MYH3: variants seen among roughly 807,000 people sequenced by gnomAD.
MYH3 encodes the protein myosin heavy chain 3, also known as myosin-3.
Under a neutral mutation model 238.0 loss-of-function variants are expected in MYH3, and 130 were observed. That is an observed-to-expected ratio of 0.55 (90% CI 0.47 to 0.63). The LOEUF (loss-of-function observed/expected upper bound fraction) is 0.63. Ranked by LOEUF, MYH3 falls within the 30% of genes least tolerant of loss-of-function variation. The pLI is 0.00. For missense variants in MYH3, 1,853 were observed against 2,374.9 expected (o/e 0.78, Z 4.57); for synonymous variants, 880 against 924.1 (o/e 0.95, Z 0.86).
Position 10,648,611 on chromosome 17 carries a change from C to T in MYH3, c.681G>A (p.Leu227=). The change falls in exon 8 of 41, where the codon CTG becomes CTA. Residue 227 remains leucine, a synonymous_variant. Coordinates refer to ENST00000583535, the MANE Select transcript of MYH3 (RefSeq NM_002470.4). ...LEDQIISANP[L]LEAFGNAKTV... Reference sequence around the variant, plus strand: ...TCTTGGCGTTCCCAAAGGCCTCCAGCAGGGGATTGGCACTGATGATTTGAT... The same window carrying T: ...TCTTGGCGTTCCCAAAGGCCTCCAGTAGGGGATTGGCACTGATGATTTGAT... 6.2e-7 allele frequency: 1 copy of T among 1,614,104 alleles called. No individual in the cohort carries two copies. Among genetic ancestry groups the T allele is most frequent in the Non-Finnish European group, 8.5e-7 (1 of 1,179,980 alleles).
At chr17:10,674,666 C>T in the MYH3 span, 1 of 152,614 alleles carries the variant, frequency 6.6e-6, no homozygotes, top group African/African-American at 2.4e-5. Context: ...TGGTGTGTGA[C>T]ACGTCTGACA....
rs2074409739 is a variant in MYH3, at chr17:10,654,533, AGC to A, written c.204+326_204+327del. On this transcript the variant is annotated intron_variant, in intron 3 of 40. Coordinates refer to ENST00000583535, the MANE Select transcript of MYH3 (RefSeq NM_002470.4). The surrounding 1 kb of genome is among the most constrained non-coding windows in gnomAD (Gnocchi z 4.5). ...CTACCAAAGGAGAGTGTTCTGAAAC[AGC>A]GCTCATTCATGTTGAACTCCCAACT... Among the ~76,000 whole-genome samples, 1 of 152,260 alleles carries A rather than the reference AGC, an allele frequency of 6.6e-6. No individual in the cohort carries two copies. Among genetic ancestry groups the A allele is most frequent in the Non-Finnish European group, 1.5e-5 (1 of 68,046 alleles).
chr17:10,663,620 T>G, the MYH3 span, among the ~76,000 whole-genome samples: 2 of 151,806 alleles, frequency 1.3e-5, no homozygotes, highest in African/African-American at 2.4e-5. Context: ...AAGGGTCCTT[T>G]CCTCTGGGAG....
At chr17:10,677,769 G>C in the MYH3 span, 1 of 152,202 alleles carries the variant, frequency 6.6e-6, no homozygotes, top group Non-Finnish European at 1.5e-5. Flanking sequence ...GAAGAGTCTA[G>C]TGAAAACACT....
chr17:10,660,561 C>T (rs2142441917), upstream of MYH3, among the ~76,000 whole-genome samples: 1 of 152,068 alleles, frequency 6.6e-6, no homozygotes, highest in Admixed American at 6.5e-5. Context: ...CCTGTATTCC[C>T]AGCTACTTGG....
intron 10 of MYH3, among the ~76,000 whole-genome samples, chr17:10,646,805 T>C (rs1420952664): frequency 6.6e-6 from 1 of 152,118 alleles, no homozygotes; most frequent in East Asian, 1.9e-4. Context: ...CCCAGCACTG[T>C]GGGAGGCCGA....
chr17:10,645,255 C>A (rs2074309148), intron 12 of MYH3, among the ~76,000 whole-genome samples: 2 of 151,814 alleles, frequency 1.3e-5, no homozygotes, highest in South Asian at 2.1e-4. Context: ...CATGGTGAAA[C>A]CCCGTTTCTA....
chr17:10,643,117 C>CA, intron 14 of MYH3, 121 bp from the exon 15 acceptor site: 1 of 1,549,064 alleles, frequency 6.5e-7, no homozygotes, highest in East Asian at 2.3e-5. Context: ...CAAATACAAT[C>CA]ACAATCTTCA....
chr17:10,669,564 C>T, the MYH3 span, among the ~76,000 whole-genome samples: 2 of 130,660 alleles, frequency 1.5e-5, no homozygotes, highest in Non-Finnish European at 3.3e-5. Flanking sequence ...GAGAGTCCAT[C>T]TCAAAAAAAA....
the MYH3 span, among the ~76,000 whole-genome samples, chr17:10,668,459 A>G: frequency 1.3e-5 from 2 of 152,208 alleles, no homozygotes; most frequent in Non-Finnish European, 2.9e-5. Context: ...AAAGAGATCA[A>G]AGAGATAGAA....
chr17:10,661,884 G>A (rs374943634), upstream of MYH3, among the ~76,000 whole-genome samples: 55 of 152,240 alleles, frequency 3.6e-4, no homozygotes, highest in East Asian at 3.1e-3. Context: ...ACCATTCCCT[G>A]GCACTGAGGT....
At chr17:10,660,451 G>A (rs574284617), upstream of MYH3, among the ~76,000 whole-genome samples, 1 of 151,992 alleles carries the variant, frequency 6.6e-6, no homozygotes, top group Admixed American at 6.5e-5. Flanking sequence ...CGAGGCGGGC[G>A]GATCATGAGG....
At chr17:10,669,566 C>CA in the MYH3 span, among the ~76,000 whole-genome samples, 949 of 96,270 alleles carry the variant, frequency 9.9e-3, 13 homozygotes, top group South Asian at 0.066. Context: ...GAGTCCATCT[C>CA]AAAAAAAAAA....
chr17:10,640,463 A>G lies in MYH3; in HGVS notation c.2296T>C (p.Phe766Leu). Reference protein sequence around the residue: ...QYKFGHTKVFFKAGLLGTLEE... With the variant: ...QYKFGHTKVFLKAGLLGTLEE... ...AGGGTTCCCAGCAAGCCAGCCTTGA[A>G]GAACACCTTATGGGGCAGAAGGGTG... Residue 766 changes from phenylalanine to leucine, a missense_variant, in exon 21 of 41, where the codon TTC (phenylalanine) becomes CTC (leucine). By Grantham distance (22) the Phe-to-Leu change is conservative. This residue lies in a region of MYH3 where 678 missense variants were observed against 1,058.9 expected (regional missense o/e 0.64). Coordinates refer to ENST00000583535, the MANE Select transcript of MYH3 (RefSeq NM_002470.4). 1 of 1,614,218 alleles carries G rather than the reference A, an allele frequency of 6.2e-7. No individual in the cohort carries two copies. The highest frequency in any genetic ancestry group is 8.5e-7 in the Non-Finnish European group (1 of 1,180,032).
the MYH3 span, among the ~76,000 whole-genome samples, chr17:10,671,295 T>C: frequency 3.4e-4 from 52 of 152,142 alleles, no homozygotes; most frequent in Non-Finnish European, 6.6e-4. Context: ...AACAAATTCT[T>C]GTGCATATCT....
chr17:10,636,288 C>CAAAA (rs397786526), intron 28 of MYH3, among the ~76,000 whole-genome samples: 2 of 80,996 alleles, frequency 2.5e-5, no homozygotes, highest in Non-Finnish European at 4.5e-5. Context: ...GCCTCAATCT[C>CAAAA]AAAAAAAAAA....
Position 10,631,965 on chromosome 17 carries a change from C to T in MYH3, c.5008G>A (p.Glu1670Lys). 6.2e-7 allele frequency: 1 copy of T among 1,614,002 alleles called. No homozygotes were observed. Among genetic ancestry groups the T allele is most frequent in the South Asian group, 1.1e-5 (1 of 91,072 alleles). Residue 1670 changes from glutamate to lysine, a missense_variant, in exon 35 of 41, where the codon GAG becomes AAG. Around this residue, in one of 3 missense-constraint regions of MYH3, gnomAD observed 1,044 missense variants for 1,192.6 expected, o/e 0.88. Transcript: ENST00000583535. The stretch of plus-strand genomic sequence containing the variant: ...CTGCGCTCCACAATCGCCAGCTGCT[C>T]CTTCAGGTCCTCCTGGCCCCGGAGG... Reference protein sequence around the residue: ...DALRGQEDLKEQLAIVERRAN... With the variant: ...DALRGQEDLKKQLAIVERRAN...
In MYH3 at chr17:10,644,412, G is replaced by A. The variant is rs2074301230; in HGVS notation, c.1349C>T (p.Thr450Met). ...MVTRINQQLD[T>M]KLPRQHFIGV... ...AATGAAGTGTTGTCTTGGAAGCTTC[G>A]TATCCAGTTGCTGGTTAATGCGAGT... The change falls in exon 14 of 41, where the codon ACG becomes ATG. Residue 450 changes from threonine (T) to methionine (M), a missense_variant. Physicochemically the swap from Thr to Met is moderately conservative, Grantham distance 81 (BLOSUM62 -1). Around this residue, in one of 3 missense-constraint regions of MYH3, gnomAD observed 678 missense variants for 1,058.9 expected, o/e 0.64. Transcript: ENST00000583535. 3 of 1,614,104 alleles carry A rather than the reference G, an allele frequency of 1.9e-6. No individual in the cohort carries two copies. The highest frequency in any genetic ancestry group is 2.2e-5 in the East Asian group (1 of 44,892).
chr17:10,642,740 G>A lies in MYH3; in HGVS notation c.1582-17C>T, dbSNP rs752873036. ...GCCCATAGGCTGGATTGAAGGCAAGGCAAAGTGCAGAGAGGTAAATATGAG... is the reference window on the plus strand; with the variant it reads ...GCCCATAGGCTGGATTGAAGGCAAGACAAAGTGCAGAGAGGTAAATATGAG... On this transcript the variant is annotated splice_polypyrimidine_tract_variant and intron_variant, in intron 15 of 40. Transcript: ENST00000583535. This position sits in a 1 kb window ranked among gnomAD's most constrained non-coding sequence, Gnocchi z 5.4. The A allele has an allele frequency of 2.5e-6, 4 of 1,614,192 alleles. No individual in the cohort carries two copies. In the South Asian group the frequency reaches 3.3e-5, roughly 13 times the overall value.
Sources: allele counts gnomAD v4.1 joint callset (sites outside exome capture counted in the v4.1 genomes callset), GRCh38; gene constraint gnomAD v4.1.1; regional missense constraint gnomAD v4.1.1; non-coding constraint Gnocchi (gnomAD v3.1); transcripts MANE v1.5; gene names NCBI Gene and HGNC (gene_info 2026-07-23, HGNC 2026-07-21).